PCDH9: variants seen among roughly 807,000 people sequenced by gnomAD.
The protein encoded by PCDH9 is protocadherin 9.
Under a neutral mutation model 70.6 loss-of-function variants are expected in PCDH9, and 24 were observed. The observed-to-expected ratio is 0.34, with a 90% CI of 0.25 to 0.48. PCDH9 has a LOEUF of 0.48. Among genes scored for constraint, PCDH9 ranks in the 20% least tolerant of loss-of-function variants. The pLI is 0.99. For synonymous variants in PCDH9, 562 were observed against 558.5 expected (o/e 1.01, Z -0.09); for missense variants, 1,281 against 1,503.6 (o/e 0.85, Z 2.45).
chr13:66,578,237 C>T (rs1017428890), intron 4 of PCDH9, among the ~76,000 whole-genome samples: 4 of 152,078 alleles, frequency 2.6e-5, no homozygotes, highest in Non-Finnish European at 1.5e-5. Flanking sequence ...CTTCTAGCCT[C>T]ATATTATCTT....
chr13:66,396,773 A>C (rs1338169505), intron 4 of PCDH9, among the ~76,000 whole-genome samples: 1 of 152,212 alleles, frequency 6.6e-6, no homozygotes, highest in Non-Finnish European at 1.5e-5. Context: ...AATGTATATG[A>C]AAATGCCCAT....
At chr13:66,739,484 C>A (rs1288868178) in intron 3 of PCDH9, among the ~76,000 whole-genome samples, 1 of 148,508 alleles carries the variant, frequency 6.7e-6, no homozygotes, top group Non-Finnish European at 1.5e-5. Flanking sequence ...CAAATTCACA[C>A]ATAACAATAT....
chr13:66,669,745 C>T (rs1285889379), intron 3 of PCDH9, among the ~76,000 whole-genome samples: 1 of 152,150 alleles, frequency 6.6e-6, no homozygotes, highest in African/African-American at 2.4e-5. Context: ...ATCTTTTAAC[C>T]ATCAGGCTTA....
intron 4 of PCDH9, among the ~76,000 whole-genome samples, chr13:66,380,492 A>G (rs2138240017): frequency 6.6e-6 from 1 of 150,708 alleles, no homozygotes; most frequent in South Asian, 2.1e-4. Flanking sequence ...ATAGTAGATT[A>G]CACATAATGC....
intron 4 of PCDH9, among the ~76,000 whole-genome samples, chr13:66,532,243 A>G (rs1226014135): frequency 6.6e-6 from 1 of 151,678 alleles, no homozygotes; most frequent in Non-Finnish European, 1.5e-5. Flanking sequence ...GGCTGAAGCA[A>G]TCCTCCTGTC....
rs1315885486 is a variant in PCDH9, at chr13:67,228,066, C to T, written c.375G>A (p.Leu125=). Residue 125 remains leucine (L), a synonymous_variant, in exon 2 of 5, where the codon CTG becomes CTA. Coordinates refer to ENST00000377865, the MANE Select transcript of PCDH9 (RefSeq NM_203487.3). ...VVILPNDFFR[L]IKIKIIVKDT... is the part of the protein sequence containing the mutation. ...CCTTGACAATTATTTTTATTTTGATCAGCCTGAAGAAATCATTGGGGAGGA... is the reference window on the plus strand; with the variant it reads ...CCTTGACAATTATTTTTATTTTGATTAGCCTGAAGAAATCATTGGGGAGGA... The T allele has an allele frequency of 9.3e-6, 15 of 1,613,704 alleles. No homozygotes were observed. Among genetic ancestry groups the T allele is most frequent in the Admixed American group, 1.7e-5 (1 of 59,966 alleles).
chr13:67,138,227 A>G (rs944787317), intron 2 of PCDH9, among the ~76,000 whole-genome samples: 9 of 152,176 alleles, frequency 5.9e-5, no homozygotes, highest in Non-Finnish European at 7.3e-5. Flanking sequence ...AAAAGAACAC[A>G]TCCCCATTTC....
At chr13:67,154,018 G>A (rs1255172164) in intron 2 of PCDH9, among the ~76,000 whole-genome samples, 1 of 151,930 alleles carries the variant, frequency 6.6e-6, no homozygotes, top group Non-Finnish European at 1.5e-5. Flanking sequence ...AAGGAGAATT[G>A]GTGAATTGAA....
chr13:66,508,329 G>C (rs2138577654), intron 4 of PCDH9, among the ~76,000 whole-genome samples: 1 of 152,238 alleles, frequency 6.6e-6, no homozygotes. Flanking sequence ...TTTGGAACTA[G>C]ATGGAGATGG....
chr13:66,352,778 A>C (rs558049367), intron 4 of PCDH9, among the ~76,000 whole-genome samples: 67 of 152,332 alleles, frequency 4.4e-4, no homozygotes, highest in African/African-American at 1.5e-3. Flanking sequence ...CTTTTTCTGT[A>C]TAATGTGTTT....
chr13:66,472,420 A>G (rs1958639065), intron 4 of PCDH9, among the ~76,000 whole-genome samples: 1 of 151,818 alleles, frequency 6.6e-6, no homozygotes, highest in Admixed American at 6.6e-5. Context: ...AAATTTTAAC[A>G]AATTAGTCAG....
intron 3 of PCDH9, among the ~76,000 whole-genome samples, chr13:66,704,941 A>G (rs2078691942): frequency 6.6e-6 from 1 of 152,120 alleles, no homozygotes; most frequent in South Asian, 2.1e-4. Flanking sequence ...TTATTATTTT[A>G]TTGTTTATAG....
At chr13:66,454,159 T>C (rs565894168) in intron 4 of PCDH9, among the ~76,000 whole-genome samples, 1 of 152,174 alleles carries the variant, frequency 6.6e-6, no homozygotes, top group Admixed American at 6.5e-5. Context: ...TTTTCTTTTT[T>C]TTTAAAAAAA....
intron 2 of PCDH9, among the ~76,000 whole-genome samples, chr13:67,146,634 T>A (rs2087529563): frequency 6.6e-6 from 1 of 152,196 alleles, no homozygotes; most frequent in South Asian, 2.1e-4. Flanking sequence ...AATGACCCTA[T>A]CCAAAATAGA....
At chr13:66,594,878 A>C (rs779775675) in intron 4 of PCDH9, among the ~76,000 whole-genome samples, 1 of 151,634 alleles carries the variant, frequency 6.6e-6, no homozygotes, top group Non-Finnish European at 1.5e-5. Context: ...TGATTAAATA[A>C]ATGATTGCAG....
At chr13:66,497,505 G>A (rs1959135352) in intron 4 of PCDH9, among the ~76,000 whole-genome samples, 1 of 152,100 alleles carries the variant, frequency 6.6e-6, no homozygotes, top group African/African-American at 2.4e-5. Context: ...ATGTCACACA[G>A]TCAATATAAA....
chr13:66,886,167 CTGTT>C (rs1260277330), intron 3 of PCDH9: 2 of 152,210 alleles, frequency 1.3e-5, no homozygotes, highest in Admixed American at 6.5e-5. Flanking sequence ...AGGGAATTCT[CTGTT>C]TGGCTCTTTT....
intron 2 of PCDH9, among the ~76,000 whole-genome samples, chr13:67,115,192 A>G (rs1382086092): frequency 6.6e-6 from 1 of 152,194 alleles, no homozygotes; most frequent in East Asian, 1.9e-4. Context: ...TTGTTTTGGA[A>G]TAGGATGTAT....
rs372037101 is a variant in PCDH9, at chr13:66,917,942, A to G, written c.3037-14337T>C. Among the ~76,000 whole-genome samples the G allele has an allele frequency of 9.5e-4, 144 of 151,350 alleles. No individual in the cohort carries two copies. In the Middle Eastern group the frequency reaches 0.021, roughly 22 times the overall value. On this transcript the variant is annotated intron_variant, in intron 2 of 4. Coordinates refer to ENST00000377865, the MANE Select transcript of PCDH9 (RefSeq NM_203487.3). ...ACAAAACAGGTACATTAGGAAAATG[A>G]TATGTCTTAGGTGTCCAGAAAAGGA...
Sources: gnomAD v4.1 joint callset for allele counts (sites outside exome capture counted in the v4.1 genomes callset) on GRCh38, gnomAD v4.1.1 for gene constraint, MANE v1.5 for transcripts, NCBI Gene and HGNC (gene_info 2026-07-23, HGNC 2026-07-21) for gene names.